MICU2: variants seen among roughly 807,000 people sequenced by gnomAD.
The protein encoded by MICU2 is calcium uptake protein 2, mitochondrial.
A neutral mutation model predicts 60.4 loss-of-function variants in MICU2; 64 were observed. That is an observed-to-expected ratio of 1.06 (90% CI 0.87 to 1.31). The LOEUF (loss-of-function observed/expected upper bound fraction) is 1.31. MICU2 is among the 50% of genes most tolerant of loss of function. The probability of loss-of-function intolerance (pLI) is 0.00; values close to 1 mark genes in which losing one functional copy is unlikely to be tolerated. For missense variants in MICU2, 569 were observed against 531.0 expected, an observed-to-expected ratio of 1.07 and a Z score of -0.70; for synonymous variants, 201 against 175.0, an observed-to-expected ratio of 1.15 and a Z score of -1.17.
intron 6 of MICU2, among the ~76,000 whole-genome samples, chr13:21,517,687 G>GAATC (rs781557228): frequency 4.6e-5 from 7 of 152,088 alleles, no homozygotes; most frequent in Non-Finnish European, 8.8e-5. Context: ...TGAGGCAGGA[G>GAATC]AATCGCTGGA....
chr13:21,598,087 GTATT>G (rs1430038796), intron 1 of MICU2, among the ~76,000 whole-genome samples: 1 of 151,978 alleles, frequency 6.6e-6, no homozygotes, highest in East Asian at 1.9e-4. Context: ...TAAGGAATTT[GTATT>G]TATTTAGATT....
At chr13:21,499,109 C>T (rs1327717223) in intron 9 of MICU2, among the ~76,000 whole-genome samples, 4 of 152,030 alleles carry the variant, frequency 2.6e-5, no homozygotes, top group Admixed American at 6.6e-5. Context: ...CGCCACCACG[C>T]CCCGCTAATT....
In MICU2 at chr13:21,555,951, G is replaced by A. The variant is rs142423949; in HGVS notation, c.358+10846C>T. On this transcript the variant is annotated intron_variant, in intron 2 of 11. Transcript: ENST00000382374. ...CTCTTTTCCCTCTTGTCTTCACAAG[G>A]ACTGTGTTTTAGAAATTTTTCATTC... 4.1e-4 allele frequency among the ~76,000 whole-genome samples: 63 copies of A among 152,206 alleles called. No homozygotes were observed. The East Asian group carries it at 0.011, about 28-fold the overall frequency.
chr13:21,518,704 T>A (rs1886641903), intron 6 of MICU2, among the ~76,000 whole-genome samples: 1 of 152,228 alleles, frequency 6.6e-6, no homozygotes, highest in Non-Finnish European at 1.5e-5. Context: ...TACCCCCATA[T>A]GAATAATAAT....
At chr13:21,509,668 G>T (rs1886377272) in intron 8 of MICU2, among the ~76,000 whole-genome samples, 1 of 152,206 alleles carries the variant, frequency 6.6e-6, no homozygotes, top group Admixed American at 6.5e-5. Flanking sequence ...ATAACAAATG[G>T]TTGTTGTTTT....
At chr13:21,535,649 A>C (rs565935242) in intron 4 of MICU2, among the ~76,000 whole-genome samples, 6 of 134,638 alleles carry the variant, frequency 4.5e-5, no homozygotes, top group African/African-American at 1.5e-4. Flanking sequence ...TAAATCTTAC[A>C]AAAAAATATA....
In MICU2 at chr13:21,495,178, TTC is replaced by T. The variant is rs755164017; in HGVS notation, c.1181_1182del (p.Arg394AsnfsTer26). On this transcript the variant is annotated frameshift_variant, in exon 11 of 12. Coordinates refer to ENST00000382374, the MANE Select transcript of MICU2 (RefSeq NM_152726.3). LOFTEE classifies it high-confidence loss of function. ...TCTGTTACCCATAAACCTCGATGCATTCTGTTTTTTAACACCCCAAGAAACTC... is the reference window on the plus strand; with the variant it reads ...TCTGTTACCCATAAACCTCGATGCATTGTTTTTTAACACCCCAAGAAACTC... ...HEEFLGVLKNRMHRGLWVPQH... is the reference protein window; with the variant it reads ...HEEFLGVLKNXMHRGLWVPQH... 2.2e-5 allele frequency: 35 copies of T among 1,607,610 alleles called. No homozygotes were observed. The highest frequency in any genetic ancestry group is 1.0e-4 in the Admixed American group (6 of 58,398).
In MICU2 at chr13:21,555,383, C is replaced by T. The variant is rs527823348; in HGVS notation, c.358+11414G>A. On this transcript the variant is annotated intron_variant, in intron 2 of 11. Coordinates refer to ENST00000382374, the MANE Select transcript of MICU2 (RefSeq NM_152726.3). ...GGTTCAACATACGAAAATCAATAAA[C>T]GTAATCCAGCATATAAACAGAACCA... Among the ~76,000 whole-genome samples the T allele has an allele frequency of 3.0e-3, 456 of 152,190 alleles. 3 individuals carry two copies. The highest frequency in any genetic ancestry group is 6.3e-3 in the African/African-American group (261 of 41,528).
At chr13:21,532,771 T>A (rs2138183714) in intron 4 of MICU2, among the ~76,000 whole-genome samples, 1 of 151,998 alleles carries the variant, frequency 6.6e-6, no homozygotes. Context: ...AACAAGGAGG[T>A]CACTGGTGAT....
intron 1 of MICU2, among the ~76,000 whole-genome samples, chr13:21,593,152 A>C (rs1387514904): frequency 6.6e-6 from 1 of 152,170 alleles, no homozygotes; most frequent in Non-Finnish European, 1.5e-5. Context: ...TTGAGCTGAT[A>C]AGCAACTTCA....
intron 4 of MICU2, among the ~76,000 whole-genome samples, chr13:21,529,140 GAGA>G: frequency 6.6e-6 from 1 of 152,278 alleles, no homozygotes; most frequent in East Asian, 1.9e-4. Flanking sequence ...GTAGGGAGAA[GAGA>G]AGATGAATTC....
At chr13:21,511,326 G>A (rs1456645926) in intron 7 of MICU2, among the ~76,000 whole-genome samples, 1 of 152,094 alleles carries the variant, frequency 6.6e-6, no homozygotes, top group Non-Finnish European at 1.5e-5. Context: ...ATAGAGCATG[G>A]GCATGAGGAA....
At chr13:21,544,891 AT>A (rs2138008914) in intron 2 of MICU2, among the ~76,000 whole-genome samples, 1 of 152,216 alleles carries the variant, frequency 6.6e-6, no homozygotes, top group South Asian at 2.1e-4. Context: ...AACTCAAGCA[AT>A]CCTCCCACCT....
chr13:21,536,661 G>A (rs1225786880), intron 4 of MICU2, among the ~76,000 whole-genome samples: 1 of 152,182 alleles, frequency 6.6e-6, no homozygotes, highest in Non-Finnish European at 1.5e-5. Flanking sequence ...TGAGAATGTT[G>A]TAAATCTCTT....
At chr13:21,556,851 TAGG>T (rs1189322386) in intron 2 of MICU2, among the ~76,000 whole-genome samples, 1 of 151,888 alleles carries the variant, frequency 6.6e-6, no homozygotes, top group Non-Finnish European at 1.5e-5. Context: ...ACGAAGGAAA[TAGG>T]AGAAAGCTAA....
intron 1 of MICU2, among the ~76,000 whole-genome samples, chr13:21,576,749 C>A (rs888963404): frequency 2.0e-5 from 3 of 152,196 alleles, no homozygotes; most frequent in Non-Finnish European, 4.4e-5. Context: ...AAGCTCATGG[C>A]TGAATACTGA....
chr13:21,520,995 T>C (rs1013018143), intron 6 of MICU2, among the ~76,000 whole-genome samples: 4 of 152,136 alleles, frequency 2.6e-5, no homozygotes, highest in Non-Finnish European at 5.9e-5. Flanking sequence ...TTTGCTGAAA[T>C]CATAAAAATG....
intron 1 of MICU2, among the ~76,000 whole-genome samples, chr13:21,583,849 G>C (rs1888401379): frequency 1.3e-5 from 2 of 152,120 alleles, no homozygotes; most frequent in African/African-American, 2.4e-5. Context: ...AACTGAAAAA[G>C]TTTTTGTCCT....
At chr13:21,562,808 TA>T (rs1402554770) in intron 2 of MICU2, among the ~76,000 whole-genome samples, 5 of 152,232 alleles carry the variant, frequency 3.3e-5, no homozygotes, top group Non-Finnish European at 5.9e-5. Flanking sequence ...AACGTGATTT[TA>T]TATTCATGTA....
Sources: allele counts gnomAD v4.1 joint callset (sites outside exome capture counted in the v4.1 genomes callset), GRCh38; gene constraint gnomAD v4.1.1; transcripts MANE v1.5; gene names NCBI Gene and HGNC (gene_info 2026-07-23, HGNC 2026-07-21).